Variants in KCNH8 observed in about 807,000 individuals in gnomAD.
KCNH8 encodes the protein potassium voltage-gated channel subfamily H member 8, also known as voltage-gated delayed rectifier potassium channel KCNH8.
Under a neutral mutation model 103.6 loss-of-function variants are expected in KCNH8, and 70 were observed. The ratio of observed to expected loss-of-function variants is 0.68; its 90% CI spans 0.56 to 0.82. KCNH8 has a LOEUF of 0.82. KCNH8 is among the 40% of genes least tolerant of loss of function. KCNH8 has a pLI of 0.00. For synonymous variants in KCNH8, 498 were observed against 489.4 expected, an observed-to-expected ratio of 1.02 and a Z score of -0.23; for missense variants, 1,217 against 1,329.9, an observed-to-expected ratio of 0.92 and a Z score of 1.32.
intron 3 of KCNH8, among the ~76,000 whole-genome samples, chr3:19,297,115 T>C (rs1020003004): frequency 2.0e-5 from 3 of 152,016 alleles, no homozygotes; most frequent in Non-Finnish European, 4.4e-5. Flanking sequence ...TGGTTCAGAG[T>C]AATGCGAGCA....
chr3:19,303,026 C>T (rs1405718379), intron 3 of KCNH8, among the ~76,000 whole-genome samples: 3 of 152,128 alleles, frequency 2.0e-5, no homozygotes, highest in African/African-American at 7.2e-5. Flanking sequence ...TAACTCCATC[C>T]ATACCGAACC....
rs1413647445 is a variant in KCNH8 at position 19,272,250 on chromosome 3, A to G, written c.311-8948A>G. On this transcript the variant is annotated intron_variant, in intron 2 of 15. Coordinates refer to ENST00000328405, the MANE Select transcript of KCNH8 (RefSeq NM_144633.3). ...GGTTCTACCAAGGCTGCATGCAGAA[A>G]GGAGGTTTGGTTCCCAGTAAAATTT... is the stretch of plus-strand genomic sequence containing the variant. 3.3e-5 allele frequency among the ~76,000 whole-genome samples: 5 copies of G among 152,138 alleles called. No homozygotes were observed. The South Asian group carries it at 1.0e-3, about 32-fold the overall frequency.
At chr3:19,259,470 T>C (rs1295438347) in intron 2 of KCNH8, among the ~76,000 whole-genome samples, 4 of 151,772 alleles carry the variant, frequency 2.6e-5, no homozygotes, top group African/African-American at 9.7e-5. Context: ...CAAATAAATA[T>C]GGATTATCTC....
intron 1 of KCNH8, among the ~76,000 whole-genome samples, chr3:19,173,160 C>G (rs2063364114): frequency 6.7e-6 from 1 of 150,186 alleles, no homozygotes; most frequent in African/African-American, 2.5e-5. Flanking sequence ...AGGAGAGATC[C>G]TGGCATCTCA....
intron 1 of KCNH8, among the ~76,000 whole-genome samples, chr3:19,175,288 C>G (rs899414904): frequency 1.4e-5 from 2 of 147,162 alleles, no homozygotes; most frequent in Non-Finnish European, 3.0e-5. Context: ...GTGGCGCGAT[C>G]TCGGCTCCCT....
chr3:19,154,358 TA>T lies in KCNH8; in HGVS notation c.76+5564del, dbSNP rs1409676346. On this transcript the variant is annotated intron_variant, in intron 1 of 15. Coordinates refer to ENST00000328405, the MANE Select transcript of KCNH8 (RefSeq NM_144633.3). ...AGTAAGAGGGCAATGGAAAGTAGGT[TA>T]GACCAGCCATAAAAGATCTTTAAAC... Among the ~76,000 whole-genome samples, 10 of 152,178 alleles carry T rather than the reference TA, an allele frequency of 6.6e-5. No individual in the cohort carries two copies. The East Asian group carries it at 1.9e-3, about 29-fold the overall frequency.
chr3:19,451,700 C>T (rs1048558731), intron 10 of KCNH8, among the ~76,000 whole-genome samples: 9 of 152,076 alleles, frequency 5.9e-5, no homozygotes, highest in Admixed American at 2.0e-4. Context: ...ATTTTTTATT[C>T]CTAAAGCCAA....
chr3:19,384,639 C>CA (rs963424456), intron 5 of KCNH8, among the ~76,000 whole-genome samples: 3 of 151,894 alleles, frequency 2.0e-5, no homozygotes, highest in Admixed American at 2.0e-4. Context: ...ACCCAATAGG[C>CA]AAAAAAATTT....
intron 3 of KCNH8, among the ~76,000 whole-genome samples, chr3:19,288,014 G>A (rs2064857715): frequency 6.6e-6 from 1 of 151,734 alleles, no homozygotes; most frequent in African/African-American, 2.4e-5. Flanking sequence ...CCCTCACTTG[G>A]AATATATCTT....
intron 15 of KCNH8, 75 bp from the exon 16 acceptor site, chr3:19,533,320 T>C: frequency 1.1e-6 from 1 of 870,936 alleles, no homozygotes; most frequent in Non-Finnish European, 1.9e-6. Context: ...ATCACTTCCC[T>C]GCTTCATTTC....
At chr3:19,265,396 C>T (rs1313154187) in intron 2 of KCNH8, among the ~76,000 whole-genome samples, 2 of 152,074 alleles carry the variant, frequency 1.3e-5, no homozygotes, top group Admixed American at 1.3e-4. Flanking sequence ...TGGGGCCCTT[C>T]TAAGCATGCA....
At chr3:19,398,005 A>C (rs2066549666) in intron 7 of KCNH8, among the ~76,000 whole-genome samples, 1 of 151,940 alleles carries the variant, frequency 6.6e-6, no homozygotes, top group African/African-American at 2.4e-5. Context: ...TTTGGGTCCA[A>C]TTATCATGAA....
At chr3:19,312,677 T>C (rs2065221761) in intron 3 of KCNH8, among the ~76,000 whole-genome samples, 1 of 151,956 alleles carries the variant, frequency 6.6e-6, no homozygotes, top group African/African-American at 2.4e-5. Context: ...TCTTGATCTA[T>C]ATGGCTCTTG....
intron 1 of KCNH8, among the ~76,000 whole-genome samples, chr3:19,207,470 TA>T (rs2063728976): frequency 1.3e-5 from 2 of 151,900 alleles, no homozygotes; most frequent in African/African-American, 2.4e-5. Context: ...TTTAAGAAAA[TA>T]AAGTGGATCT....
chr3:19,416,060 A>G (rs1033939907), intron 7 of KCNH8, among the ~76,000 whole-genome samples: 5 of 152,100 alleles, frequency 3.3e-5, no homozygotes. Flanking sequence ...TTAAAGCTAT[A>G]TATTTTAAGT....
chr3:19,224,043 T>A (rs1376815055), intron 1 of KCNH8, among the ~76,000 whole-genome samples: 1 of 152,194 alleles, frequency 6.6e-6, no homozygotes, highest in Non-Finnish European at 1.5e-5. Flanking sequence ...TGATTTGTGC[T>A]TCCCTATAAG....
intron 5 of KCNH8, among the ~76,000 whole-genome samples, chr3:19,374,758 A>C (rs989764735): frequency 4.0e-5 from 6 of 151,876 alleles, no homozygotes; most frequent in Non-Finnish European, 7.4e-5. Flanking sequence ...GTTCCTTTCC[A>C]TGTTTAGTGC....
chr3:19,232,086 T>C lies in KCNH8; in HGVS notation c.77-21568T>C, dbSNP rs576979321. On this transcript the variant is annotated intron_variant, in intron 1 of 15. Coordinates refer to ENST00000328405, the MANE Select transcript of KCNH8 (RefSeq NM_144633.3). Reference sequence around the variant, plus strand: ...CTGCTGTATCTTGATTGGAATGTATTTTTTAGTGTGAAAATAATTGACAGG... The same window carrying C: ...CTGCTGTATCTTGATTGGAATGTATCTTTTAGTGTGAAAATAATTGACAGG... 2.6e-5 allele frequency among the ~76,000 whole-genome samples: 4 copies of C among 152,344 alleles called. No homozygotes were observed. In the South Asian group the frequency reaches 8.3e-4, roughly 32 times the overall value.
At position 19,307,293 on chromosome 3, in the gene KCNH8, T is replaced by A. The variant is rs550228936; in HGVS notation, c.442+25964T>A. On this transcript the variant is annotated intron_variant, in intron 3 of 15. Transcript: ENST00000328405. Reference sequence around the variant, plus strand: ...AAGAAAACAAACCAATGGCCAAAAATATATATATGAAAAATGCTCAGCATC... The same window carrying A: ...AAGAAAACAAACCAATGGCCAAAAAAATATATATGAAAAATGCTCAGCATC... 4.8e-3 allele frequency among the ~76,000 whole-genome samples: 722 copies of A among 151,626 alleles called. 7 individuals carry two copies. Among genetic ancestry groups the A allele is most frequent in the African/African-American group, 0.016 (666 of 41,354 alleles).
Sources: gnomAD v4.1 joint callset for allele counts (sites outside exome capture counted in the v4.1 genomes callset) on GRCh38, gnomAD v4.1.1 for gene constraint, MANE v1.5 for transcripts, NCBI Gene and HGNC (gene_info 2026-07-23, HGNC 2026-07-21) for gene names.